The following FAM178B variants were observed in gnomAD, a reference collection of about 807,000 sequenced individuals.
FAM178B encodes the protein protein FAM178B.
Under a neutral mutation model 91.7 loss-of-function variants are expected in FAM178B, and 82 were observed. That is an observed-to-expected ratio of 0.89 (90% CI 0.75 to 1.07). FAM178B has a LOEUF of 1.07. Among genes scored for constraint, FAM178B ranks in the 50% least tolerant of loss-of-function variants. The pLI, the probability that FAM178B is intolerant of heterozygous loss-of-function variation, is 0.00. For missense variants in FAM178B, 769 were observed against 846.7 expected, an observed-to-expected ratio of 0.91 and a Z score of 1.14; for synonymous variants, 368 against 359.4, an observed-to-expected ratio of 1.02 and a Z score of -0.27.
intron 5 of FAM178B, 56 bp from the exon 6 acceptor site, chr2:96,960,496 G>C: frequency 6.7e-7 from 1 of 1,489,476 alleles, no homozygotes; most frequent in South Asian, 1.3e-5. Context: ...TCGGCCTGAG[G>C]CATGGCCATT....
At chr2:96,923,604 T>C in intron 9 of FAM178B, 21 bp from the exon 10 acceptor site, 1 of 1,543,894 alleles carries the variant, frequency 6.5e-7, no homozygotes, top group Non-Finnish European at 8.8e-7. Flanking sequence ...ACAACAACAG[T>C]GACGATGGGA....
intron 8 of FAM178B, among the ~76,000 whole-genome samples, chr2:96,934,910 C>T (rs1001709300): frequency 2.0e-5 from 3 of 152,220 alleles, no homozygotes; most frequent in Admixed American, 1.3e-4. Context: ...ACTCTGCACC[C>T]GCCAACACCA....
At chr2:96,970,688 C>A in intron 4 of FAM178B, 28 bp downstream of exon 4, 1 of 1,537,826 alleles carries the variant, frequency 6.5e-7, no homozygotes, top group Non-Finnish European at 8.8e-7. Flanking sequence ...AAATAAGCAC[C>A]CCATGACAGG....
At chr2:96,906,651 C>T (rs1334163147) in intron 12 of FAM178B, among the ~76,000 whole-genome samples, 1 of 152,232 alleles carries the variant, frequency 6.6e-6, no homozygotes, top group Non-Finnish European at 1.5e-5. Flanking sequence ...CTTATCCCCT[C>T]TCTACGGCCC....
chr2:96,915,188 C>A (rs1389523328), intron 12 of FAM178B, among the ~76,000 whole-genome samples: 2 of 151,844 alleles, frequency 1.3e-5, no homozygotes, highest in Non-Finnish European at 2.9e-5. Flanking sequence ...CGGCTCACTG[C>A]AACCTCTGCC....
intron 16 of FAM178B, chr2:96,877,611 C>T (rs2153366906): frequency 2.5e-6 from 1 of 397,756 alleles, no homozygotes; most frequent in East Asian, 4.5e-5. Context: ...CCATGTTGGC[C>T]AGGCTGGTCT....
At chr2:96,959,199 G>GGAAAAAAAAAA (rs1273953141) in intron 6 of FAM178B, among the ~76,000 whole-genome samples, 2 of 82,122 alleles carry the variant, frequency 2.4e-5, no homozygotes, top group African/African-American at 6.5e-5. Flanking sequence ...ACTCAGTTTT[G>GGAAAAAAAAAA]AAAAAAAAAA....
At chr2:96,956,999 C>T (rs1274954974) in intron 6 of FAM178B, among the ~76,000 whole-genome samples, 2 of 151,350 alleles carry the variant, frequency 1.3e-5, no homozygotes, top group African/African-American at 4.9e-5. Context: ...GCTGGGACCA[C>T]AGGTGTGCTA....
intron 5 of FAM178B, among the ~76,000 whole-genome samples, chr2:96,962,895 C>T (rs918177740): frequency 6.6e-6 from 1 of 152,168 alleles, no homozygotes; most frequent in African/African-American, 2.4e-5. Flanking sequence ...GACCTGCACC[C>T]CCTTCCCTGG....
chr2:96,942,619 T>G (rs1172610383), intron 8 of FAM178B, among the ~76,000 whole-genome samples: 1 of 152,040 alleles, frequency 6.6e-6, no homozygotes, highest in Non-Finnish European at 1.5e-5. Flanking sequence ...ATGGTCTTGA[T>G]CTCCCGACCT....
chr2:96,933,513 A>T (rs2081576642), intron 8 of FAM178B, among the ~76,000 whole-genome samples: 1 of 152,180 alleles, frequency 6.6e-6, no homozygotes, highest in South Asian at 2.1e-4. Flanking sequence ...ATCCATGCAC[A>T]TCCCAAGAAC....
intron 5 of FAM178B, among the ~76,000 whole-genome samples, chr2:96,961,486 C>G (rs986808094): frequency 1.3e-5 from 2 of 152,190 alleles, no homozygotes; most frequent in African/African-American, 4.8e-5. Context: ...GAAAAGAGGG[C>G]AACTTCCTCT....
At position 96,986,221 on chromosome 2, in the gene FAM178B, C is replaced by T. The variant is rs2082421634; in HGVS notation, c.73+20G>A. ...CGCTAACCACGCGCCCCTGCGGTTC[C>T]TCGGCCTCAGTTTCCTTACCTGTAA... On this transcript the variant is annotated intron_variant, in intron 1 of 16. Transcript: ENST00000490605. The T allele has an allele frequency of 3.3e-6, 5 of 1,534,490 alleles. No homozygotes were observed. Among genetic ancestry groups the T allele is most frequent in the Non-Finnish European group, 1.7e-6 (2 of 1,146,748 alleles).
At chr2:96,907,138 G>A (rs1467337378) in intron 12 of FAM178B, among the ~76,000 whole-genome samples, 1 of 152,130 alleles carries the variant, frequency 6.6e-6, no homozygotes, top group African/African-American at 2.4e-5. Context: ...ACATGTGAGT[G>A]GCGAGCCCCC....
At chr2:96,986,213 T>A in intron 1 of FAM178B, 28 bp downstream of exon 1, 2 of 1,534,214 alleles carry the variant, frequency 1.3e-6, no homozygotes, top group Non-Finnish European at 1.7e-6. Flanking sequence ...CACGCGCCCC[T>A]GCGGTTCCTC....
At chr2:96,929,642 C>G (rs955629297) in intron 8 of FAM178B, among the ~76,000 whole-genome samples, 1 of 152,246 alleles carries the variant, frequency 6.6e-6, no homozygotes, top group African/African-American at 2.4e-5. Context: ...CCAAGTGACA[C>G]GAAGAGTCCT....
chr2:96,929,123 A>G, intron 9 of FAM178B, 83 bp downstream of exon 9: 1 of 983,344 alleles, frequency 1.0e-6, no homozygotes, highest in South Asian at 1.4e-5. Context: ...ATACCCCTGT[A>G]TTCCAGTTCT....
At chr2:96,883,433 G>C (rs2080438599) in intron 14 of FAM178B, among the ~76,000 whole-genome samples, 1 of 152,194 alleles carries the variant, frequency 6.6e-6, no homozygotes, top group African/African-American at 2.4e-5. Flanking sequence ...GCTCTGGCCA[G>C]AACATATAAC....
intron 8 of FAM178B, among the ~76,000 whole-genome samples, chr2:96,929,572 A>T (rs12717785): frequency 6.6e-6 from 1 of 152,170 alleles, no homozygotes; most frequent in Non-Finnish European, 1.5e-5. Flanking sequence ...TGGGTCAACC[A>T]CTCCCTGACC....
Sources: allele counts gnomAD v4.1 joint callset (sites outside exome capture counted in the v4.1 genomes callset), GRCh38; gene constraint gnomAD v4.1.1; transcripts MANE v1.5; gene names NCBI Gene and HGNC (gene_info 2026-07-23, HGNC 2026-07-21).